The following GNAI1 variants were observed in gnomAD, a reference collection of about 807,000 sequenced individuals.
GNAI1 encodes the protein guanine nucleotide-binding protein G(i) subunit alpha-1.
In GNAI1, 11 loss-of-function variants were observed where a neutral mutation model predicts 38.9. The ratio of observed to expected loss-of-function variants is 0.28; its 90% CI spans 0.18 to 0.47. The LOEUF is 0.47. Among genes scored for constraint, GNAI1 ranks in the 20% least tolerant of loss-of-function variants. The pLI is 0.99. For synonymous variants in GNAI1, 166 were observed against 145.1 expected (o/e 1.14, Z -1.04); for missense variants, 317 against 436.9 (o/e 0.73, Z 2.45).
rs114856723 is a variant in GNAI1 at position 80,203,634 on chromosome 7, A to T, written c.462-70A>T. 1.5e-5 allele frequency: 14 copies of T among 958,422 alleles called. No homozygotes were observed. In the South Asian group the frequency reaches 2.1e-4, roughly 14 times the overall value. The allele number at this position is 958,422 out of a possible 1,614,324, so 59.4% of individuals were successfully genotyped here. A position where few individuals can be genotyped will look rare whatever the true frequency, so the allele number is the denominator to read the frequency against. The stretch of plus-strand genomic sequence containing the variant: ...ATCGCTTGTATTGAAATGTGTTTTA[A>T]TTTTTGTTTTGGATGATCTTTATTG... On this transcript the variant is annotated intron_variant, in intron 4 of 7. Transcript: ENST00000649796.
chr7:80,209,395 T>G (rs1788834512), intron 5 of GNAI1, among the ~76,000 whole-genome samples: 1 of 152,226 alleles, frequency 6.6e-6, no homozygotes, highest in Admixed American at 6.5e-5. Flanking sequence ...CATTTTCTTC[T>G]GGGAAACCTC....
intron 1 of GNAI1, among the ~76,000 whole-genome samples, chr7:80,167,513 C>G (rs1204553283): frequency 6.6e-6 from 1 of 152,114 alleles, no homozygotes; most frequent in African/African-American, 2.4e-5. Context: ...TATTCCGAAA[C>G]AAAATTTGTA....
intron 3 of GNAI1, 113 bp from the exon 4 acceptor site, chr7:80,199,112 A>T: frequency 1.4e-6 from 1 of 739,418 alleles, no homozygotes; most frequent in Non-Finnish European, 2.1e-6. Flanking sequence ...TGTTAATAAA[A>T]ACAAAGGAAG....
At chr7:80,214,832 C>A (rs1355115750) in intron 7 of GNAI1, among the ~76,000 whole-genome samples, 1 of 152,174 alleles carries the variant, frequency 6.6e-6, no homozygotes, top group African/African-American at 2.4e-5. Flanking sequence ...TCTGCAGTCA[C>A]GTCATCTTAG....
At chr7:80,167,874 GT>G (rs1158586160) in intron 1 of GNAI1, among the ~76,000 whole-genome samples, 1 of 152,172 alleles carries the variant, frequency 6.6e-6, no homozygotes, top group African/African-American at 2.4e-5. Context: ...AAGTCTTTGT[GT>G]TTATGTGGAA....
At chr7:80,217,123 A>G (rs1001421704) in intron 7 of GNAI1, among the ~76,000 whole-genome samples, 180 bp from the exon 8 acceptor site, 1 of 151,098 alleles carries the variant, frequency 6.6e-6, no homozygotes, top group African/African-American at 2.4e-5. Flanking sequence ...ATTAACATGG[A>G]GTGTTTTTCA....
At chr7:80,136,073 G>A (rs1787410078) in intron 1 of GNAI1, 4 of 981,644 alleles carry the variant, frequency 4.1e-6, no homozygotes, top group Non-Finnish European at 4.8e-6. Context: ...GATTTGCCAG[G>A]TACACGCAAG....
At position 80,135,062 on chromosome 7, in the gene GNAI1, G is replaced by A; in HGVS notation, c.-99G>A. ...GGGGCGGCGTGGCCCCCGTCGGGAG[G>A]CGTTCGAACGCCCGCTAGGAGAGAG... On this transcript the variant is annotated 5_prime_UTR_variant, in exon 1 of 8. Transcript: ENST00000649796. The A allele has an allele frequency of 4.4e-6, 3 of 686,584 alleles. No homozygotes were observed. Among genetic ancestry groups the A allele is most frequent in the Non-Finnish European group, 6.5e-6 (3 of 462,540 alleles). The allele number at this position is 686,584 out of a possible 1,614,324, so 42.5% of individuals were successfully genotyped here. A position where few individuals can be genotyped will look rare whatever the true frequency, so the allele number is the denominator to read the frequency against.
At chr7:80,141,171 G>A (rs1490011804) in intron 1 of GNAI1, among the ~76,000 whole-genome samples, 1 of 152,130 alleles carries the variant, frequency 6.6e-6, no homozygotes, top group Non-Finnish European at 1.5e-5. Context: ...TTATCTTTGG[G>A]GACCATTATT....
At chr7:80,163,479 A>G (rs182117617) in intron 1 of GNAI1, among the ~76,000 whole-genome samples, 1 of 152,324 alleles carries the variant, frequency 6.6e-6, no homozygotes, top group East Asian at 1.9e-4. Flanking sequence ...CACATTAATT[A>G]TATTCAACTG....
At chr7:80,179,840 C>A (rs1308482312) in intron 1 of GNAI1, among the ~76,000 whole-genome samples, 3 of 152,156 alleles carry the variant, frequency 2.0e-5, no homozygotes, top group African/African-American at 4.8e-5. Flanking sequence ...AGTAGAGGAA[C>A]CCTGACCTTA....
chr7:80,183,898 C>T (rs1220661520), intron 1 of GNAI1, among the ~76,000 whole-genome samples: 3 of 152,102 alleles, frequency 2.0e-5, no homozygotes, highest in Non-Finnish European at 4.4e-5. Context: ...ATTTCCCTTT[C>T]CTGGATCCTA....
chr7:80,179,391 G>A (rs1387129765), intron 1 of GNAI1, among the ~76,000 whole-genome samples: 3 of 152,122 alleles, frequency 2.0e-5, no homozygotes, highest in African/African-American at 2.4e-5. Context: ...AAATCCTCAG[G>A]TCATGCAGAT....
intron 3 of GNAI1, 92 bp downstream of exon 3, chr7:80,189,323 A>T: frequency 9.1e-7 from 1 of 1,104,466 alleles, no homozygotes; most frequent in South Asian, 1.4e-5. Flanking sequence ...CTTGTCAACT[A>T]TCAGGACCAT....
intron 1 of GNAI1, among the ~76,000 whole-genome samples, chr7:80,179,288 T>C (rs964914316): frequency 1.3e-5 from 2 of 152,198 alleles, no homozygotes; most frequent in Non-Finnish European, 2.9e-5. Context: ...CTTGGAGGAA[T>C]TGTTAAAACA....
intron 1 of GNAI1, among the ~76,000 whole-genome samples, chr7:80,144,953 G>C (rs1416899156): frequency 6.6e-6 from 1 of 152,190 alleles, no homozygotes; most frequent in Non-Finnish European, 1.5e-5. Flanking sequence ...ATGGTGGTCA[G>C]TAAAGTTGCT....
chr7:80,224,247 C>G lies in GNAI1; in HGVS notation c.*6754C>G, dbSNP rs1032890718. On this transcript the variant is annotated 3_prime_UTR_variant, in exon 8 of 8. Coordinates refer to ENST00000649796, the MANE Select transcript of GNAI1 (RefSeq NM_002069.6). ...TTTCTGGGTACCTTACTAATGCTCT[C>G]ATTTAGTCATCAGAGCAGTCCTGCA... is the stretch of plus-strand genomic sequence containing the variant. 4.1e-4 allele frequency among the ~76,000 whole-genome samples: 63 copies of G among 152,184 alleles called. No individual in the cohort carries two copies. The highest frequency in any genetic ancestry group is 7.2e-4 in the Non-Finnish European group (49 of 68,026).
At chr7:80,137,312 CTTTTCTTTTTTTT>C (rs1161306393) in intron 1 of GNAI1, among the ~76,000 whole-genome samples, 1 of 66,960 alleles carries the variant, frequency 1.5e-5, no homozygotes, top group East Asian at 3.9e-4. Flanking sequence ...TTTTTCTTTT[CTTTTCTTTTTTTT>C]TTTTTTTTTT....
intron 1 of GNAI1, among the ~76,000 whole-genome samples, chr7:80,141,758 AAAAC>A (rs1281915290): frequency 1.3e-5 from 2 of 152,204 alleles, no homozygotes; most frequent in Non-Finnish European, 1.5e-5. Context: ...AGAAAAAACA[AAAAC>A]AAAGAACCGG....
Sources: allele counts gnomAD v4.1 joint callset (sites outside exome capture counted in the v4.1 genomes callset), GRCh38; gene constraint gnomAD v4.1.1; transcripts MANE v1.5; gene names NCBI Gene and HGNC (gene_info 2026-07-23, HGNC 2026-07-21).